TFPI: variants seen among roughly 807,000 people sequenced by gnomAD.
TFPI encodes tissue factor pathway inhibitor.
TFPI carries 15 observed loss-of-function variants against 34.6 expected under a neutral mutation model. The ratio of observed to expected loss-of-function variants is 0.43; its 90% confidence interval spans 0.29 to 0.67. The LOEUF (loss-of-function observed/expected upper bound fraction) is 0.67. Among genes scored for constraint, TFPI ranks in the 30% least tolerant of loss-of-function variants. TFPI has a pLI of 0.15. For synonymous variants in TFPI, 105 were observed against 120.1 expected (o/e 0.87, Z 0.82); for missense variants, 301 against 364.0 (o/e 0.83, Z 1.41).
intron 3 of TFPI, among the ~76,000 whole-genome samples, chr2:187,494,043 T>C (rs981767347): frequency 2.6e-5 from 4 of 152,184 alleles, no homozygotes; most frequent in Admixed American, 6.5e-5. Context: ...ACCAATTTAC[T>C]GTGAGCAAGT....
At chr2:187,536,550 ACT>A (rs1688268303) in intron 1 of TFPI, among the ~76,000 whole-genome samples, 3 of 152,136 alleles carry the variant, frequency 2.0e-5, no homozygotes, top group Admixed American at 1.3e-4. Flanking sequence ...TATGCTAAAA[ACT>A]CTCAATAAAC....
At chr2:187,546,886 T>C (rs1052156108) in intron 1 of TFPI, 3 of 152,352 alleles carry the variant, frequency 2.0e-5, no homozygotes, top group Admixed American at 1.3e-4. Context: ...TAATTCATAA[T>C]GAATGGGATA....
At chr2:187,511,627 G>A (rs986195550) in intron 1 of TFPI, among the ~76,000 whole-genome samples, 2 of 152,118 alleles carry the variant, frequency 1.3e-5, no homozygotes, top group African/African-American at 2.4e-5. Flanking sequence ...AGCATTAGAG[G>A]TGGATTTCCC....
intron 6 of TFPI, among the ~76,000 whole-genome samples, chr2:187,479,587 A>C (rs180686081): frequency 1.5e-5 from 2 of 131,182 alleles, no homozygotes; most frequent in Admixed American, 7.7e-5. Context: ...ATATATATAT[A>C]TATGATTTAA....
intron 1 of TFPI, among the ~76,000 whole-genome samples, chr2:187,532,801 A>G (rs13396262): frequency 0.02 from 3,078 of 152,182 alleles, 97 homozygotes; most frequent in African/African-American, 0.07. Flanking sequence ...TCTCAGCCCC[A>G]TGGAGCCCAG....
chr2:187,513,734 A>AGT (rs1686805959), intron 1 of TFPI: 1 of 152,576 alleles, frequency 6.6e-6, no homozygotes, highest in African/African-American at 2.4e-5. Flanking sequence ...CCAGGGGAAA[A>AGT]CCCTACCAAA....
intron 2 of TFPI, among the ~76,000 whole-genome samples, chr2:187,501,022 C>T (rs1023277223): frequency 2.0e-5 from 3 of 152,110 alleles, no homozygotes; most frequent in African/African-American, 7.2e-5. Context: ...GTCCTGGGTG[C>T]TGTGCGAGTG....
intron 6 of TFPI, among the ~76,000 whole-genome samples, chr2:187,469,957 A>G (rs1244237097): frequency 2.0e-5 from 3 of 152,152 alleles, no homozygotes; most frequent in African/African-American, 7.2e-5. Context: ...AGAATATAAA[A>G]TGATTATTAA....
At position 187,514,349 on chromosome 2, in the gene TFPI, A is replaced by T. The variant is rs887662983; in HGVS notation, c.-2-10579T>A. The stretch of plus-strand genomic sequence containing the variant: ...CACTAAGGTGGTCCTCCAGTCAACC[A>T]GGCATGGGCTGCATGGTAGCTCTTT... On this transcript the variant is annotated intron_variant, in intron 1 of 7. Transcript: ENST00000233156. 2.3e-4 allele frequency: 35 copies of T among 152,230 alleles called. 1 individual carries two copies. The highest frequency in any genetic ancestry group is 2.9e-5 in the Non-Finnish European group (2 of 68,048). 9.4% of individuals were successfully genotyped at this position (152,230 alleles called of 1,614,324 possible).
chr2:187,504,701 T>G (rs552776453), intron 1 of TFPI, among the ~76,000 whole-genome samples: 66 of 152,206 alleles, frequency 4.3e-4, no homozygotes, highest in African/African-American at 1.5e-3. Flanking sequence ...GAACACTTGC[T>G]TCCTTCCTGT....
intron 1 of TFPI, chr2:187,529,343 C>G (rs1215120347): frequency 6.6e-6 from 1 of 152,202 alleles, no homozygotes; most frequent in Admixed American, 6.5e-5. Context: ...GTGGCTTAAA[C>G]AACAGAAATT....
At chr2:187,499,579 G>C (rs1185849080) in intron 2 of TFPI, 3 of 151,988 alleles carry the variant, frequency 2.0e-5, no homozygotes, top group Admixed American at 6.6e-5. Flanking sequence ...ACCCTAAGTG[G>C]TGTGTCTGAC....
At chr2:187,473,520 T>A (rs2105964328) in intron 6 of TFPI, among the ~76,000 whole-genome samples, 1 of 152,266 alleles carries the variant, frequency 6.6e-6, no homozygotes, top group East Asian at 1.9e-4. Context: ...ATTTTCTTTT[T>A]TATTCAAATT....
At chr2:187,537,002 A>C (rs1438101081) in intron 1 of TFPI, among the ~76,000 whole-genome samples, 1 of 152,236 alleles carries the variant, frequency 6.6e-6, no homozygotes, top group Non-Finnish European at 1.5e-5. Flanking sequence ...CAAAGAGAAT[A>C]AAAGACCTAG....
intron 3 of TFPI, among the ~76,000 whole-genome samples, chr2:187,490,090 A>G (rs900647858): frequency 6.6e-5 from 10 of 151,682 alleles, no homozygotes; most frequent in African/African-American, 2.4e-4. Flanking sequence ...AAATATCCCA[A>G]AATTTGCATT....
chr2:187,486,068 C>T (rs8176610), intron 4 of TFPI, among the ~76,000 whole-genome samples: 1,548 of 151,770 alleles, frequency 0.01, 11 homozygotes, highest in Non-Finnish European at 0.017. Flanking sequence ...TTAAGTAAAA[C>T]TTCCTACTAT....
chr2:187,518,515 G>T (rs1262409837), intron 1 of TFPI: 1 of 152,214 alleles, frequency 6.6e-6, no homozygotes, highest in African/African-American at 2.4e-5. Flanking sequence ...TCTGCTGTTA[G>T]TCTGATAGGC....
At chr2:187,527,949 T>C (rs542421209) in intron 1 of TFPI, among the ~76,000 whole-genome samples, 5,055 of 152,022 alleles carry the variant, frequency 0.033, 135 homozygotes, top group Middle Eastern at 0.13. Context: ...GACTACATTA[T>C]CCCAGAACAT....
intron 1 of TFPI, among the ~76,000 whole-genome samples, chr2:187,529,014 G>A (rs1325164450): frequency 2.0e-5 from 3 of 152,174 alleles, no homozygotes; most frequent in African/African-American, 7.2e-5. Context: ...TCCAAACTAT[G>A]TTGGTAGGAC....
Sources: allele counts gnomAD v4.1 joint callset (sites outside exome capture counted in the v4.1 genomes callset), GRCh38; gene constraint gnomAD v4.1.1; transcripts MANE v1.5; gene names NCBI Gene and HGNC (gene_info 2026-07-23, HGNC 2026-07-21).